DNAJC5B: variants seen among roughly 807,000 people sequenced by gnomAD.
DNAJC5B encodes the protein DnaJ heat shock protein family (Hsp40) member C5 beta.
In DNAJC5B, 23 loss-of-function variants were observed where a neutral mutation model predicts 24.7. That is an observed-to-expected ratio of 0.93 (90% CI 0.67 to 1.32). The LOEUF (loss-of-function observed/expected upper bound fraction) is 1.32. DNAJC5B is among the 40% of genes most tolerant of loss of function. The pLI is 0.00. For missense variants in DNAJC5B, 238 were observed against 240.8 expected, an observed-to-expected ratio of 0.99 and a Z score of 0.08; for synonymous variants, 101 against 90.1, an observed-to-expected ratio of 1.12 and a Z score of -0.68.
At chr8:66,075,002 G>A (rs1379937638) in intron 3 of DNAJC5B, among the ~76,000 whole-genome samples, 5 of 152,182 alleles carry the variant, frequency 3.3e-5, no homozygotes, top group Non-Finnish European at 5.9e-5. Context: ...TTTAAAAAAT[G>A]ACAGGAAGCC....
At chr8:66,056,947 T>A (rs1226236164) in intron 3 of DNAJC5B, 2 of 152,234 alleles carry the variant, frequency 1.3e-5, no homozygotes, top group Non-Finnish European at 2.9e-5. Context: ...GAGACCATCC[T>A]GGCTAACACA....
chr8:66,059,887 C>T (rs113302679), intron 3 of DNAJC5B, among the ~76,000 whole-genome samples: 2,399 of 152,336 alleles, frequency 0.016, 55 homozygotes, highest in African/African-American at 0.054. Flanking sequence ...ACGGTAGGCA[C>T]AGAAGGTGCT....
At chr8:66,069,949 T>G (rs1807309718) in intron 3 of DNAJC5B, among the ~76,000 whole-genome samples, 1 of 152,144 alleles carries the variant, frequency 6.6e-6, no homozygotes, top group Admixed American at 6.5e-5. Flanking sequence ...ACCGAACCAA[T>G]GACACAAACC....
At chr8:66,082,505 C>T (rs576336742) in intron 5 of DNAJC5B, among the ~76,000 whole-genome samples, 291 of 152,216 alleles carry the variant, frequency 1.9e-3, no homozygotes, top group Non-Finnish European at 3.9e-3. Context: ...AGGTTTCCTC[C>T]CTGCTGGGTG....
intron 1 of DNAJC5B, among the ~76,000 whole-genome samples, chr8:66,030,011 G>C (rs925380463): frequency 4.6e-5 from 7 of 152,140 alleles, no homozygotes; most frequent in African/African-American, 1.7e-4. Context: ...AAACAACTGT[G>C]CCTATAAATA....
chr8:66,062,347 TG>T (rs1807101829), intron 3 of DNAJC5B, among the ~76,000 whole-genome samples: 2 of 152,182 alleles, frequency 1.3e-5, no homozygotes, highest in Admixed American at 1.3e-4. Flanking sequence ...AGCTTCCATC[TG>T]GGATCCAGAG....
At chr8:66,072,257 A>G (rs1048570560) in intron 3 of DNAJC5B, among the ~76,000 whole-genome samples, 1 of 152,220 alleles carries the variant, frequency 6.6e-6, no homozygotes, top group South Asian at 2.1e-4. Flanking sequence ...TCTAAAACAC[A>G]TGGCCTAAAA....
intron 5 of DNAJC5B, among the ~76,000 whole-genome samples, chr8:66,084,932 C>T (rs898884414): frequency 2.6e-5 from 4 of 152,008 alleles, no homozygotes; most frequent in African/African-American, 9.7e-5. Flanking sequence ...CTAAAAGTTT[C>T]TGAGTTTTAT....
intron 5 of DNAJC5B, among the ~76,000 whole-genome samples, chr8:66,085,317 G>C (rs1258572280): frequency 3.3e-5 from 5 of 152,146 alleles, no homozygotes; most frequent in Non-Finnish European, 7.4e-5. Flanking sequence ...GCAGGTGCCT[G>C]TAATCCCAGC....
chr8:66,037,292 G>C (rs1016219649), intron 1 of DNAJC5B, among the ~76,000 whole-genome samples: 1 of 152,144 alleles, frequency 6.6e-6, no homozygotes, highest in African/African-American at 2.4e-5. Context: ...GAGAAATATA[G>C]AAAATTTTCT....
upstream of DNAJC5B, among the ~76,000 whole-genome samples, chr8:66,017,646 C>A (rs1026384429): frequency 6.6e-6 from 1 of 152,162 alleles, no homozygotes; most frequent in African/African-American, 2.4e-5. Context: ...GTTTATATGC[C>A]TTACCTATTT....
At chr8:66,078,270 T>G (rs140616988) in intron 4 of DNAJC5B, among the ~76,000 whole-genome samples, 46 of 152,318 alleles carry the variant, frequency 3.0e-4, no homozygotes, top group Non-Finnish European at 5.9e-4. Context: ...TCTTTAAACA[T>G]AAGACCACAG....
intron 3 of DNAJC5B, among the ~76,000 whole-genome samples, chr8:66,064,744 T>C (rs1807153536): frequency 6.6e-6 from 1 of 152,186 alleles, no homozygotes; most frequent in Non-Finnish European, 1.5e-5. Context: ...ACAGAAATCT[T>C]AGTGGCGTGC....
intron 1 of DNAJC5B, among the ~76,000 whole-genome samples, chr8:66,023,924 G>C (rs971461092): frequency 6.6e-6 from 1 of 152,068 alleles, no homozygotes; most frequent in Non-Finnish European, 1.5e-5. Flanking sequence ...GGTAGTCAGC[G>C]TTTTTCCAAT....
intron 3 of DNAJC5B, among the ~76,000 whole-genome samples, chr8:66,068,499 G>T (rs1807272454): frequency 6.6e-6 from 1 of 151,274 alleles, no homozygotes; most frequent in Admixed American, 6.6e-5. Context: ...GATGGAAAAT[G>T]AAAAAAGATT....
chr8:66,097,910 C>T (rs1807988523), intron 5 of DNAJC5B, among the ~76,000 whole-genome samples: 2 of 152,014 alleles, frequency 1.3e-5, no homozygotes, highest in African/African-American at 4.8e-5. Flanking sequence ...AGTGCAGTGG[C>T]ACAATCTTGG....
intron 5 of DNAJC5B, among the ~76,000 whole-genome samples, chr8:66,085,518 A>G (rs1807703223): frequency 6.6e-6 from 1 of 152,126 alleles, no homozygotes; most frequent in African/African-American, 2.4e-5. Flanking sequence ...GCTTGCAGTG[A>G]GCGGAGATTG....
At chr8:66,047,309 GT>G (rs1424268381) in intron 2 of DNAJC5B, among the ~76,000 whole-genome samples, 9 of 152,160 alleles carry the variant, frequency 5.9e-5, no homozygotes, top group Non-Finnish European at 4.4e-5. Flanking sequence ...CTCCGCATTT[GT>G]TTTTCTCTGC....
At chr8:66,055,551 C>G (rs1806943535) in intron 3 of DNAJC5B, among the ~76,000 whole-genome samples, 1 of 152,182 alleles carries the variant, frequency 6.6e-6, no homozygotes, top group Non-Finnish European at 1.5e-5. Flanking sequence ...ATAAAAAAGT[C>G]TTTCTCTTAC....
Sources: gnomAD v4.1 joint callset for allele counts (sites outside exome capture counted in the v4.1 genomes callset) on GRCh38, gnomAD v4.1.1 for gene constraint, MANE v1.5 for transcripts, NCBI Gene and HGNC (gene_info 2026-07-23, HGNC 2026-07-21) for gene names.